The following GLO1 variants were observed in gnomAD, a reference collection of about 807,000 sequenced individuals.
GLO1 encodes the protein lactoylglutathione lyase.
In GLO1, 28 loss-of-function variants were observed where a neutral mutation model predicts 26.0. That is an observed-to-expected ratio of 1.08 (90% CI 0.80 to 1.48). The LOEUF (loss-of-function observed/expected upper bound fraction) is 1.48, where lower values mean the gene tolerates loss of function less well. Among genes scored for constraint, GLO1 ranks in the 40% most tolerant of loss-of-function variants. The pLI is 0.00. For missense variants in GLO1, 225 were observed against 224.8 expected (o/e 1.00, Z -0.01); for synonymous variants, 78 against 77.6 (o/e 1.00, Z -0.03).
chr6:38,699,733 G>A (rs1201684718), intron 1 of GLO1, among the ~76,000 whole-genome samples: 1 of 152,032 alleles, frequency 6.6e-6, no homozygotes, highest in Non-Finnish European at 1.5e-5. Flanking sequence ...CTAGGGTGGG[G>A]AAAAAACTTC....
chr6:38,677,139 G>A lies in GLO1; in HGVS notation c.*156C>T. On this transcript the variant is annotated 3_prime_UTR_variant, in exon 6 of 6. Coordinates refer to ENST00000373365, the MANE Select transcript of GLO1 (RefSeq NM_006708.3). ...AAAACCAGAATGACTGAACAGTTAG[G>A]TGAAAAGGAACAGCTGAAATAGGAA... is the stretch of plus-strand genomic sequence containing the variant. 1.5e-6 allele frequency: 1 copy of A among 646,186 alleles called. No individual in the cohort carries two copies. The allele number at this position is 646,186 out of a possible 1,614,324, so 40.0% of individuals were successfully genotyped here.
At position 38,684,425 on chromosome 6, in the gene GLO1, T is replaced by A. The variant is rs1761432303; in HGVS notation, c.257A>T (p.Asp86Val). 2 of 1,575,974 alleles carry A rather than the reference T, an allele frequency of 1.3e-6. No homozygotes were observed. Among genetic ancestry groups the A allele is most frequent in the Non-Finnish European group, 1.7e-6 (2 of 1,159,628 alleles). Residue 86 changes from aspartate (D) to valine (V), a missense_variant, in exon 3 of 6, where the codon GAT (aspartate) becomes GTT (valine). Physicochemically the swap from Asp to Val is radical, Grantham distance 152. Coordinates refer to ENST00000373365, the MANE Select transcript of GLO1 (RefSeq NM_006708.3). Reference sequence around the variant, plus strand: ...GGAGAGCGCCCAGGCTATTTTTTCATCTTTTTCTTTAGGGATGTCATTTTT... The same window carrying A: ...GGAGAGCGCCCAGGCTATTTTTTCAACTTTTTCTTTAGGGATGTCATTTTT... ...EDKNDIPKEK[D>V]EKIAWALSRK...
At chr6:38,702,780 C>T (rs1180661978) in intron 1 of GLO1, among the ~76,000 whole-genome samples, 191 bp downstream of exon 1, 6 of 152,236 alleles carry the variant, frequency 3.9e-5, no homozygotes, top group Admixed American at 6.5e-5. Flanking sequence ...CTAGCTGAGG[C>T]AACAGATCCC....
At position 38,682,858 on chromosome 6, in the gene GLO1, T is replaced by A. The variant is rs767580303; in HGVS notation, c.326A>T (p.Asp109Val). 2 of 1,593,724 alleles carry A rather than the reference T, an allele frequency of 1.3e-6. No homozygotes were observed. The highest frequency in any genetic ancestry group is 2.2e-5 in the South Asian group (2 of 90,734). ...LELTHNWGTEDDETQSYHNGN... is the reference protein window; with the variant it reads ...LELTHNWGTEVDETQSYHNGN... ...ATTGTGGTAACTCTGGGTCTCATCA[T>A]CTTCAGTGCCCCAATTGCTACAAAA... is the stretch of plus-strand genomic sequence containing the variant. The change falls in exon 4 of 6, where the codon GAT (aspartate) becomes GTT (valine). Residue 109 changes from aspartate to valine, a missense_variant. Transcript: ENST00000373365.
chr6:38,698,804 A>C (rs910907626), intron 1 of GLO1, among the ~76,000 whole-genome samples: 1 of 152,046 alleles, frequency 6.6e-6, no homozygotes, highest in African/African-American at 2.4e-5. Flanking sequence ...GATGCAAATG[A>C]TCAAAAAACA....
chr6:38,684,290 T>C (rs1582775721), intron 3 of GLO1, 84 bp downstream of exon 3: 2 of 552,700 alleles, frequency 3.6e-6, no homozygotes, highest in East Asian at 7.3e-5. Context: ...TGAATTATAC[T>C]GGTCAGTAAA....
At chr6:38,688,633 A>ACACACAAT (rs1761489258) in intron 1 of GLO1, among the ~76,000 whole-genome samples, 1 of 152,170 alleles carries the variant, frequency 6.6e-6, no homozygotes. Context: ...AGGCCCGACC[A>ACACACAAT]CACACAATCA....
intron 1 of GLO1, among the ~76,000 whole-genome samples, chr6:38,697,203 G>A (rs552285923): frequency 3.9e-5 from 6 of 152,264 alleles, no homozygotes; most frequent in South Asian, 4.1e-4. Flanking sequence ...GTGAGCCACC[G>A]GGCCTGGCCC....
rs562246078 is a variant in GLO1, at chr6:38,676,684, C to G, written c.*611G>C. 2 of 152,286 alleles carry G rather than the reference C, an allele frequency of 1.3e-5. No individual in the cohort carries two copies. The highest frequency in any genetic ancestry group is 4.8e-5 in the African/African-American group (2 of 41,544). 9.4% of individuals were successfully genotyped at this position (152,286 alleles called of 1,614,324 possible). On this transcript the variant is annotated 3_prime_UTR_variant, in exon 6 of 6. Coordinates refer to ENST00000373365, the MANE Select transcript of GLO1 (RefSeq NM_006708.3). Reference sequence around the variant, plus strand: ...TGCAGCCTAGCCCAGTGTCTGGGTACCATATCATTTCCTTCCTCCTCCCCT... The same window carrying G: ...TGCAGCCTAGCCCAGTGTCTGGGTAGCATATCATTTCCTTCCTCCTCCCCT...
chr6:38,694,075 A>C (rs554121205), intron 1 of GLO1, among the ~76,000 whole-genome samples: 1 of 152,150 alleles, frequency 6.6e-6, no homozygotes, highest in African/African-American at 2.4e-5. Context: ...ATTTATTTAG[A>C]AGTGTGCTGT....
chr6:38,678,949 G>A (rs960318096), intron 5 of GLO1, among the ~76,000 whole-genome samples: 3 of 152,098 alleles, frequency 2.0e-5, no homozygotes, highest in Non-Finnish European at 4.4e-5. Context: ...ACAGGGATCT[G>A]GCCATTCTCC....
intron 4 of GLO1, 121 bp downstream of exon 4, chr6:38,682,687 C>A: frequency 1.9e-6 from 1 of 519,612 alleles, no homozygotes; most frequent in Non-Finnish European, 3.5e-6. Context: ...AATCATATCT[C>A]TAATAAATTG....
chr6:38,694,261 A>AT (rs1360912052), intron 1 of GLO1, among the ~76,000 whole-genome samples: 1 of 152,138 alleles, frequency 6.6e-6, no homozygotes, highest in Non-Finnish European at 1.5e-5. Context: ...GGAAAAAAAA[A>AT]GGGGAATTCT....
rs183971633 is a variant in GLO1, at chr6:38,692,367, T to G, written c.85-5393A>C. On this transcript the variant is annotated intron_variant, in intron 1 of 5. Coordinates refer to ENST00000373365, the MANE Select transcript of GLO1 (RefSeq NM_006708.3). Reference sequence around the variant, plus strand: ...TCTTTGCTAGTATATAGAAACGCGATTGATTTCTGTATGTTTATTTTGTAC... The same window carrying G: ...TCTTTGCTAGTATATAGAAACGCGAGTGATTTCTGTATGTTTATTTTGTAC... 6.6e-5 allele frequency among the ~76,000 whole-genome samples: 10 copies of G among 152,308 alleles called. No individual in the cohort carries two copies. In the East Asian group the frequency reaches 1.9e-3, roughly 29 times the overall value.
intron 3 of GLO1, among the ~76,000 whole-genome samples, chr6:38,683,777 C>G (rs1457597663): frequency 1.3e-5 from 2 of 151,816 alleles, no homozygotes; most frequent in African/African-American, 4.9e-5. Flanking sequence ...GTCCCAGCTA[C>G]TTGGGAGGCT....
chr6:38,695,405 CTT>C (rs1761596145), intron 1 of GLO1, among the ~76,000 whole-genome samples: 1 of 152,020 alleles, frequency 6.6e-6, no homozygotes. Context: ...ACACACATAA[CTT>C]ATCAGTCATT....
At chr6:38,695,190 G>A (rs2089552259) in intron 1 of GLO1, among the ~76,000 whole-genome samples, 1 of 151,728 alleles carries the variant, frequency 6.6e-6, no homozygotes, top group Non-Finnish European at 1.5e-5. Flanking sequence ...GCCTTTCTCT[G>A]GGTCACTGGA....
intron 3 of GLO1, among the ~76,000 whole-genome samples, chr6:38,683,627 C>T (rs553126258): frequency 4.6e-5 from 7 of 152,284 alleles, no homozygotes; most frequent in Non-Finnish European, 7.4e-5. Flanking sequence ...GTGGGTCACG[C>T]CTGTAATCCC....
chr6:38,686,751 C>T, intron 2 of GLO1, 141 bp downstream of exon 2: 2 of 573,224 alleles, frequency 3.5e-6, no homozygotes, highest in East Asian at 3.1e-5. Flanking sequence ...AAGCCCTGTC[C>T]AGCCAGGCCT....
Sources: gnomAD v4.1 joint callset for allele counts (sites outside exome capture counted in the v4.1 genomes callset) on GRCh38, gnomAD v4.1.1 for gene constraint, MANE v1.5 for transcripts, NCBI Gene and HGNC (gene_info 2026-07-23, HGNC 2026-07-21) for gene names.